PHF20: variants seen among roughly 807,000 people sequenced by gnomAD.
The protein encoded by PHF20 is PHD finger protein 20.
Under a neutral mutation model 113.5 loss-of-function variants are expected in PHF20, and 23 were observed. The ratio of observed to expected loss-of-function variants is 0.20; its 90% CI spans 0.15 to 0.29. PHF20 has a LOEUF of 0.29. Ranked by LOEUF, PHF20 falls within the 10% of genes least tolerant of loss-of-function variation. The pLI, the probability that PHF20 is intolerant of heterozygous loss-of-function variation, is 1.00. For missense variants in PHF20, 943 were observed against 1,219.6 expected, an observed-to-expected ratio of 0.77 and a Z score of 3.38; for synonymous variants, 434 against 457.3, an observed-to-expected ratio of 0.95 and a Z score of 0.65.
chr20:35,918,508 TTTTTA>T (rs1352339263), intron 13 of PHF20, among the ~76,000 whole-genome samples: 5 of 152,180 alleles, frequency 3.3e-5, no homozygotes, highest in Non-Finnish European at 5.9e-5. Flanking sequence ...TTTTGGTTCT[TTTTTA>T]TTTTATTCCT....
intron 15 of PHF20, among the ~76,000 whole-genome samples, chr20:35,932,213 G>A (rs949036959): frequency 2.0e-5 from 3 of 151,022 alleles, no homozygotes; most frequent in African/African-American, 4.9e-5. Context: ...GACTACAGGC[G>A]CATGCCACCA....
Position 35,813,129 on chromosome 20 carries a change from G to A in PHF20, c.83+11524G>A, listed in dbSNP as rs564708315. On this transcript the variant is annotated intron_variant, in intron 2 of 17. Coordinates refer to ENST00000374012, the MANE Select transcript of PHF20 (RefSeq NM_016436.5). ...ACTACAGGCGCCCGCCACCACGCCC[G>A]GCTAATTTTTTTTGTATTTTTTAGT... Among the ~76,000 whole-genome samples, 10 of 152,068 alleles carry A rather than the reference G, an allele frequency of 6.6e-5. No homozygotes were observed. In the East Asian group the frequency reaches 1.7e-3, roughly 27 times the overall value.
rs745791223 is a variant in PHF20 at position 35,871,727 on chromosome 20, G to A, written c.1180G>A (p.Ala394Thr). The stretch of plus-strand genomic sequence containing the variant: ...CCACTCCTTTGGGGATGGATCCGGG[G>A]CTGCAGGCTTGGAGTTGAACTGCCC... ...TCHSFGDGSGAAGLELNCPSM... is the reference protein window; with the variant it reads ...TCHSFGDGSGTAGLELNCPSM... The change falls in exon 9 of 18, where the codon GCT becomes ACT. Residue 394 changes from alanine to threonine, a missense_variant. By Grantham distance (58) the Ala-to-Thr change is moderately conservative. Transcript: ENST00000374012. 6.2e-7 allele frequency: 1 copy of A among 1,613,878 alleles called. No homozygotes were observed. Among genetic ancestry groups the A allele is most frequent in the Admixed American group, 1.7e-5 (1 of 59,996 alleles).
rs578118025 is a variant in PHF20, at chr20:35,931,039, C to T, written c.2105-210C>T. ...GCCAGTTCCAGGAAATGAGGAAGTA[C>T]ATGCCTTATTCACTACCTTATCCCC... On this transcript the variant is annotated intron_variant, in intron 14 of 17. Coordinates refer to ENST00000374012, the MANE Select transcript of PHF20 (RefSeq NM_016436.5). 2.0e-5 allele frequency among the ~76,000 whole-genome samples: 3 copies of T among 152,274 alleles called. No individual in the cohort carries two copies. The South Asian group carries it at 6.2e-4, about 32-fold the overall frequency.
rs371403889 is a variant in PHF20 at position 35,938,875 on chromosome 20, C to T, written c.2479C>T (p.Pro827Ser). Residue 827 changes from proline to serine, a missense_variant, in exon 16 of 18, where the codon CCG (proline) becomes TCG (serine). By Grantham distance (74) the Pro-to-Ser change is moderately conservative. This residue lies in a region of PHF20 where 349 missense variants were observed against 412.3 expected (regional missense o/e 0.85). Transcript: ENST00000374012. Reference protein sequence around the residue: ...EKPRPLALPLPRSVEESYITS... With the variant: ...EKPRPLALPLSRSVEESYITS... ...GCCCAGGCCCCTGGCCCTGCCCCTGCCGCGTTCTGTGGAGGAATCCTATAT... is the reference window on the plus strand; with the variant it reads ...GCCCAGGCCCCTGGCCCTGCCCCTGTCGCGTTCTGTGGAGGAATCCTATAT... 21 of 1,614,174 alleles carry T rather than the reference C, an allele frequency of 1.3e-5. No homozygotes were observed. In the African/African-American group the frequency reaches 2.5e-4, roughly 19 times the overall value.
At chr20:35,934,689 G>C in intron 15 of PHF20, among the ~76,000 whole-genome samples, 1 of 151,822 alleles carries the variant, frequency 6.6e-6, no homozygotes, top group South Asian at 2.1e-4. Flanking sequence ...GGCAGGGCAG[G>C]CTGGGCAGGT....
chr20:35,888,089 T>C (rs1261317661), intron 9 of PHF20, among the ~76,000 whole-genome samples: 2 of 151,652 alleles, frequency 1.3e-5, no homozygotes, highest in Admixed American at 1.3e-4. Context: ...CAAGCAATTC[T>C]CCTGCTTCAG....
intron 10 of PHF20, among the ~76,000 whole-genome samples, chr20:35,905,056 C>T (rs901654925): frequency 6.6e-6 from 1 of 152,008 alleles, no homozygotes; most frequent in African/African-American, 2.4e-5. Context: ...AACTCCCGAC[C>T]TCAGATGATC....
intron 2 of PHF20, among the ~76,000 whole-genome samples, chr20:35,808,995 G>A (rs918418418): frequency 2.0e-5 from 3 of 151,530 alleles, no homozygotes; most frequent in African/African-American, 7.3e-5. Flanking sequence ...GCTCATGCCC[G>A]TAATCCCAGC....
chr20:35,797,700 G>T (rs1325935452), intron 1 of PHF20, among the ~76,000 whole-genome samples: 3 of 140,686 alleles, frequency 2.1e-5, no homozygotes, highest in Non-Finnish European at 4.6e-5. Context: ...CACCCAGACT[G>T]GTTTGCAGTG....
chr20:35,857,126 G>C (rs2042844343), intron 4 of PHF20, among the ~76,000 whole-genome samples: 1 of 152,106 alleles, frequency 6.6e-6, no homozygotes, highest in African/African-American at 2.4e-5. Flanking sequence ...AGAAAAACCT[G>C]TTTACTAGTG....
Position 35,947,840 on chromosome 20 carries a change from TAGAC to T in PHF20, c.*214_*217del. On this transcript the variant is annotated 3_prime_UTR_variant, in exon 18 of 18. Transcript: ENST00000374012. ...CGAAGCCTGCCATAAAGGTAGCAAA[TAGAC>T]TCTTGGGATTCCCCTCTTCTGTGCA... 1.9e-6 allele frequency: 1 copy of T among 536,114 alleles called. No homozygotes were observed. Among genetic ancestry groups the T allele is most frequent in the Non-Finnish European group, 3.4e-6 (1 of 298,390 alleles). 33.2% of individuals were successfully genotyped at this position (536,114 alleles called of 1,614,324 possible). A position where few individuals can be genotyped will look rare whatever the true frequency, so the allele number is the denominator to read the frequency against.
chr20:35,787,997 T>C (rs928522380), intron 1 of PHF20, among the ~76,000 whole-genome samples: 2 of 151,970 alleles, frequency 1.3e-5, no homozygotes, highest in Non-Finnish European at 2.9e-5. Flanking sequence ...AGGCTGGTCT[T>C]GAACTCCTGG....
At chr20:35,929,107 A>G (rs1292265336) in intron 14 of PHF20, among the ~76,000 whole-genome samples, 1 of 151,292 alleles carries the variant, frequency 6.6e-6, no homozygotes, top group Non-Finnish European at 1.5e-5. Context: ...TGCTTCCGTT[A>G]CTCCTTTCTG....
intron 9 of PHF20, among the ~76,000 whole-genome samples, chr20:35,896,144 A>G (rs1373423286): frequency 3.3e-5 from 5 of 151,696 alleles, no homozygotes; most frequent in Admixed American, 2.6e-4. Flanking sequence ...AATTGGCTCT[A>G]TAACAGCATC....
chr20:35,845,371 GT>G (rs755496532), intron 3 of PHF20: 158 of 371,548 alleles, frequency 4.3e-4, no homozygotes, highest in Middle Eastern at 6.7e-4. Context: ...ATCTTTTTTT[GT>G]TTTTTTTTAA....
Position 35,803,378 on chromosome 20 carries a change from T to C in PHF20, c.83+1773T>C, listed in dbSNP as rs2041820619. Among the ~76,000 whole-genome samples, 15 of 151,440 alleles carry C rather than the reference T, an allele frequency of 9.9e-5. No individual in the cohort carries two copies. The South Asian group carries it at 3.1e-3, about 32-fold the overall frequency. On this transcript the variant is annotated intron_variant, in intron 2 of 17. Transcript: ENST00000374012. ...TTGCTCTTTCATTCAGGCTGGAGTG[T>C]AGTGGCGTGATCTCGGCTCACTGCA...
intron 12 of PHF20, 54 bp downstream of exon 12, chr20:35,914,251 A>G (rs1044902677): frequency 9.7e-6 from 15 of 1,553,804 alleles, no homozygotes; most frequent in Middle Eastern, 1.7e-4. Flanking sequence ...GGAAAATACA[A>G]GCATACCTGG....
chr20:35,797,390 T>C (rs1335763830), intron 1 of PHF20, among the ~76,000 whole-genome samples: 1 of 151,162 alleles, frequency 6.6e-6, no homozygotes, highest in Non-Finnish European at 1.5e-5. Flanking sequence ...GGCATATGCC[T>C]GTAATCACAG....
Sources: allele counts gnomAD v4.1 joint callset (sites outside exome capture counted in the v4.1 genomes callset), GRCh38; gene constraint gnomAD v4.1.1; regional missense constraint gnomAD v4.1.1; transcripts MANE v1.5; gene names NCBI Gene and HGNC (gene_info 2026-07-23, HGNC 2026-07-21).